ZMIZ1: variants seen among roughly 807,000 people sequenced by gnomAD.
ZMIZ1 encodes zinc finger MIZ-type containing 1, also known as zinc finger MIZ domain-containing protein 1.
In ZMIZ1, 17 loss-of-function variants were observed where a neutral mutation model predicts 113.9. The observed-to-expected ratio is 0.15, with a 90% CI of 0.10 to 0.22. The LOEUF (loss-of-function observed/expected upper bound fraction) is 0.22, where lower values mean the gene tolerates loss of function less well. Ranked by LOEUF, ZMIZ1 falls within the 10% of genes least tolerant of loss-of-function variation. ZMIZ1 has a pLI of 1.00. For missense variants in ZMIZ1, 1,059 were observed against 1,477.8 expected (o/e 0.72, Z 4.65); for synonymous variants, 607 against 603.1 (o/e 1.01, Z -0.09).
At chr10:79,078,825 C>A (rs1169378146) in intron 1 of ZMIZ1, among the ~76,000 whole-genome samples, 1 of 150,772 alleles carries the variant, frequency 6.6e-6, no homozygotes, top group Non-Finnish European at 1.5e-5. Flanking sequence ...GCTGGGATTA[C>A]AAGCATGAGC....
chr10:79,183,877 G>A (rs567658753), intron 4 of ZMIZ1, among the ~76,000 whole-genome samples: 1 of 152,252 alleles, frequency 6.6e-6, no homozygotes, highest in African/African-American at 2.4e-5. Context: ...GTCAGACCAG[G>A]GCTGGAATCC....
At chr10:79,226,796 A>G (rs1204375323) in intron 7 of ZMIZ1, among the ~76,000 whole-genome samples, 1 of 152,234 alleles carries the variant, frequency 6.6e-6, no homozygotes, top group African/African-American at 2.4e-5. Flanking sequence ...ACAGATAGGC[A>G]TTAATGATGG....
chr10:79,201,608 G>C lies in ZMIZ1; in HGVS notation c.-25G>C, dbSNP rs762324740. ...GGCTGGACAACGTTCATGGCTCTCGGGTAGAACCTAGTGAAACGGCCAGAA... is the reference window on the plus strand; with the variant it reads ...GGCTGGACAACGTTCATGGCTCTCGCGTAGAACCTAGTGAAACGGCCAGAA... On this transcript the variant is annotated 5_prime_UTR_variant, in exon 5 of 25. Transcript: ENST00000334512. 1.2e-6 allele frequency: 2 copies of C among 1,613,186 alleles called. No individual in the cohort carries two copies. The highest frequency in any genetic ancestry group is 8.5e-7 in the Non-Finnish European group (1 of 1,179,650).
chr10:79,188,724 C>T (rs892791432), intron 4 of ZMIZ1, among the ~76,000 whole-genome samples: 6 of 152,026 alleles, frequency 3.9e-5, no homozygotes, highest in African/African-American at 1.2e-4. Context: ...GGGCCACTCC[C>T]TTTAGGTCGG....
intron 2 of ZMIZ1, among the ~76,000 whole-genome samples, chr10:79,128,308 G>A (rs529667846): frequency 9.2e-5 from 14 of 152,212 alleles, no homozygotes; most frequent in African/African-American, 3.1e-4. Flanking sequence ...CACCATACTC[G>A]ACCCAGACAT....
Position 79,299,550 on chromosome 10 carries a change from G to A in ZMIZ1, c.1808+359G>A, listed in dbSNP as rs542009176. Among the ~76,000 whole-genome samples the A allele has an allele frequency of 1.1e-3, 163 of 152,360 alleles. 1 individual carries two copies. Among genetic ancestry groups the A allele is most frequent in the South Asian group, 9.5e-3 (46 of 4,834 alleles). ...AGTGTGACTCATGTGGCCAGAGCCA[G>A]GAATGCAGAGATGAGGCTGGTGCAA... On this transcript the variant is annotated intron_variant, in intron 16 of 24. Transcript: ENST00000334512.
intron 3 of ZMIZ1, among the ~76,000 whole-genome samples, chr10:79,154,345 A>G (rs181472641): frequency 6.6e-6 from 1 of 152,214 alleles, no homozygotes; most frequent in East Asian, 1.9e-4. Flanking sequence ...GCTGCAGGGC[A>G]TTTAGGATTG....
intron 7 of ZMIZ1, among the ~76,000 whole-genome samples, chr10:79,232,154 G>A (rs1236625171): frequency 6.6e-6 from 1 of 152,212 alleles, no homozygotes; most frequent in Non-Finnish European, 1.5e-5. Flanking sequence ...GGGGCTAACT[G>A]TAACCCTCGT....
intron 7 of ZMIZ1, among the ~76,000 whole-genome samples, chr10:79,223,172 C>A (rs1849051763): frequency 6.6e-6 from 1 of 152,258 alleles, no homozygotes; most frequent in Non-Finnish European, 1.5e-5. Flanking sequence ...CAGGGACACC[C>A]TGCCAGAGCT....
At chr10:79,306,062 ACCCCGGAG>A (rs780041196) in intron 21 of ZMIZ1, 30 bp from the exon 22 acceptor site, 4 of 1,595,080 alleles carry the variant, frequency 2.5e-6, no homozygotes, top group Non-Finnish European at 3.4e-6. Flanking sequence ...AAAGCCAGGC[ACCCCGGAG>A]CCTCAGCTCT....
At chr10:79,225,346 C>CA (rs1488877838) in intron 7 of ZMIZ1, among the ~76,000 whole-genome samples, 4 of 152,160 alleles carry the variant, frequency 2.6e-5, no homozygotes, top group African/African-American at 9.7e-5. Flanking sequence ...ACTGCCAAAA[C>CA]AAAGACAGTA....
chr10:79,141,147 G>A (rs1358554801), intron 3 of ZMIZ1, among the ~76,000 whole-genome samples: 2 of 152,164 alleles, frequency 1.3e-5, no homozygotes, highest in Admixed American at 1.3e-4. Context: ...CGAGGGAGAG[G>A]GGACGTGGCT....
At chr10:79,074,691 G>A (rs1045903194) in intron 1 of ZMIZ1, among the ~76,000 whole-genome samples, 4 of 152,218 alleles carry the variant, frequency 2.6e-5, no homozygotes, top group African/African-American at 4.8e-5. Flanking sequence ...CACCCACTCC[G>A]TGTGAGACCT....
rs556439457 is a variant in ZMIZ1 at position 79,312,545 on chromosome 10, G to A, written c.3097-97G>A. Reference sequence around the variant, plus strand: ...TTTTTGGCTAGGGTCCTGAGAGGCAGGTGGAGGGGGACGGGCCAGGGCGCC... The same window carrying A: ...TTTTTGGCTAGGGTCCTGAGAGGCAAGTGGAGGGGGACGGGCCAGGGCGCC... On this transcript the variant is annotated intron_variant, in intron 24 of 24. Transcript: ENST00000334512. 1.5e-5 allele frequency: 20 copies of A among 1,323,864 alleles called. No homozygotes were observed. The African/African-American group carries it at 2.2e-4, about 14-fold the overall frequency. 82.0% of individuals were successfully genotyped at this position (1,323,864 alleles called of 1,614,324 possible).
At chr10:79,146,079 G>C (rs1845469383) in intron 3 of ZMIZ1, among the ~76,000 whole-genome samples, 1 of 152,174 alleles carries the variant, frequency 6.6e-6, no homozygotes, top group Admixed American at 6.5e-5. Flanking sequence ...AGATGCATCT[G>C]CAGTGAGTTT....
intron 1 of ZMIZ1, among the ~76,000 whole-genome samples, chr10:79,116,727 G>A (rs1844049758): frequency 6.6e-6 from 1 of 152,212 alleles, no homozygotes; most frequent in African/African-American, 2.4e-5. Flanking sequence ...TACATTTGTA[G>A]CTTGACAAAT....
rs1264437038 is a variant in ZMIZ1, at chr10:79,164,025, TGAAAAA to T, written c.-50+1899_-50+1904del. Among the ~76,000 whole-genome samples the T allele has an allele frequency of 7.9e-5, 12 of 151,760 alleles. No individual in the cohort carries two copies. The South Asian group carries it at 1.0e-3, about 13-fold the overall frequency. Reference sequence around the variant, plus strand: ...TAGGAGCAGCTTCGAGTTGATTCTTTGAAAAAGAAAAAAAAAATGAGGAAGAGAAAG... The same window carrying T: ...TAGGAGCAGCTTCGAGTTGATTCTTTGAAAAAAAAAATGAGGAAGAGAAAG... On this transcript the variant is annotated intron_variant, in intron 4 of 24. Coordinates refer to ENST00000334512, the MANE Select transcript of ZMIZ1 (RefSeq NM_020338.4).
intron 7 of ZMIZ1, among the ~76,000 whole-genome samples, chr10:79,247,381 G>A (rs1334778939): frequency 1.3e-5 from 2 of 152,218 alleles, no homozygotes; most frequent in Non-Finnish European, 2.9e-5. Context: ...CTGATGGGCT[G>A]TGTGCCTTTC....
At chr10:79,163,213 C>T (rs921985136) in intron 4 of ZMIZ1, among the ~76,000 whole-genome samples, 6 of 152,218 alleles carry the variant, frequency 3.9e-5, no homozygotes, top group African/African-American at 7.2e-5. Context: ...CTGCCCTCAG[C>T]GTCCCTCCTG....
Sources: allele counts gnomAD v4.1 joint callset (sites outside exome capture counted in the v4.1 genomes callset), GRCh38; gene constraint gnomAD v4.1.1; transcripts MANE v1.5; gene names NCBI Gene and HGNC (gene_info 2026-07-23, HGNC 2026-07-21).